The following DPP6 variants were observed in gnomAD, a reference collection of about 807,000 sequenced individuals.
The protein encoded by DPP6 is A-type potassium channel modulatory protein DPP6.
DPP6 carries 69 observed loss-of-function variants against 122.6 expected under a neutral mutation model. The observed-to-expected ratio is 0.56, with a 90% confidence interval of 0.46 to 0.69. The LOEUF is 0.69. Among genes scored for constraint, DPP6 ranks in the 30% least tolerant of loss-of-function variants. The pLI, the probability that DPP6 is intolerant of heterozygous loss-of-function variation, is 0.00. For synonymous variants in DPP6, 418 were observed against 433.1 expected (o/e 0.97, Z 0.43); for missense variants, 928 against 1,116.9 (o/e 0.83, Z 2.41).
intron 1 of DPP6, among the ~76,000 whole-genome samples, chr7:154,283,253 G>T (rs1482040061): frequency 6.6e-6 from 1 of 152,090 alleles, no homozygotes; most frequent in African/African-American, 2.4e-5. Context: ...GCAGCCACAG[G>T]GTTGCTTTGA....
rs1305921800 is a variant in DPP6 at position 154,893,539 on chromosome 7, G to A, written c.*1059G>A. The A allele has an allele frequency of 4.0e-5, 6 of 151,062 alleles. No homozygotes were observed. Among genetic ancestry groups the A allele is most frequent in the Admixed American group, 6.6e-5 (1 of 15,174 alleles). The allele number at this position is 151,062 out of a possible 1,614,324, so 9.4% of individuals were successfully genotyped here. The stretch of plus-strand genomic sequence containing the variant: ...GGCCCGCTGTGTGTGCTCGGGCCAC[G>A]GGAGTCCTGAGGGTTCTGTGGGCCT... On this transcript the variant is annotated 3_prime_UTR_variant, in exon 26 of 26. Coordinates refer to ENST00000377770, the MANE Select transcript of DPP6 (RefSeq NM_130797.4).
At chr7:153,835,156 T>C in the DPP6 span, among the ~76,000 whole-genome samples, 2 of 152,268 alleles carry the variant, frequency 1.3e-5, no homozygotes, top group African/African-American at 4.8e-5. Context: ...AACATATTGT[T>C]TCTTGTCAGT....
chr7:154,842,287 G>A (rs1446803277), intron 16 of DPP6, among the ~76,000 whole-genome samples: 1 of 152,242 alleles, frequency 6.6e-6, no homozygotes, highest in Non-Finnish European at 1.5e-5. Context: ...TTAGCTGCTG[G>A]TTGGAAATTA....
At chr7:154,579,771 A>G (rs979876778) in intron 5 of DPP6, among the ~76,000 whole-genome samples, 1 of 152,110 alleles carries the variant, frequency 6.6e-6, no homozygotes, top group African/African-American at 2.4e-5. Flanking sequence ...ACAGGTAATT[A>G]CGTGTCATTC....
intron 1 of DPP6, among the ~76,000 whole-genome samples, chr7:154,321,641 C>T (rs999046584): frequency 2.0e-5 from 3 of 151,586 alleles, no homozygotes; most frequent in African/African-American, 4.8e-5. Flanking sequence ...AAAAATTAGC[C>T]GGGCATAGTG....
intron 23 of DPP6, among the ~76,000 whole-genome samples, chr7:154,888,464 C>G (rs1806342821): frequency 6.6e-6 from 1 of 152,180 alleles, no homozygotes; most frequent in Non-Finnish European, 1.5e-5. Context: ...TGATTTGGTG[C>G]AGCTGTCAGA....
intron 8 of DPP6, among the ~76,000 whole-genome samples, chr7:154,758,276 C>T (rs527575072): frequency 1.1e-4 from 16 of 152,286 alleles, no homozygotes; most frequent in Middle Eastern, 3.4e-3. Flanking sequence ...TCAGAAGGCC[C>T]GCAAGTTCAT....
At position 154,052,997 on chromosome 7, in the gene DPP6, C is replaced by T. The variant is rs1481313034; in HGVS notation, c.177C>T (p.Gly59=). Residue 59 remains glycine (G), a synonymous_variant, in exon 1 of 26, where the codon GGC becomes GGT. Transcript: ENST00000377770. This position sits in a 1 kb window ranked among gnomAD's most constrained non-coding sequence, Gnocchi z 4.8. ...QAAAPRERGG[G]GGGAGGRPRF... The stretch of plus-strand genomic sequence containing the variant: ...CGGCGCCCCGGGAGCGCGGCGGCGG[C>T]GGCGGCGGCGCGGGTGGCCGGCCCC... 2.8e-6 allele frequency: 3 copies of T among 1,057,764 alleles called. No homozygotes were observed. The highest frequency in any genetic ancestry group is 1.3e-4 in the East Asian group (2 of 15,520). 65.5% of individuals were successfully genotyped at this position (1,057,764 alleles called of 1,614,324 possible).
chr7:154,154,232 A>G (rs1796571881), intron 1 of DPP6, among the ~76,000 whole-genome samples: 2 of 152,244 alleles, frequency 1.3e-5, no homozygotes, highest in African/African-American at 4.8e-5. Context: ...CTTCGCTGGG[A>G]TATTTTCACT....
At chr7:154,176,037 T>C (rs1797787342) in intron 1 of DPP6, among the ~76,000 whole-genome samples, 1 of 152,180 alleles carries the variant, frequency 6.6e-6, no homozygotes, top group African/African-American at 2.4e-5. Context: ...AAACTGTCTA[T>C]GTGCAGGGTC....
At chr7:153,764,909 AT>A in the DPP6 span, among the ~76,000 whole-genome samples, 2 of 152,188 alleles carry the variant, frequency 1.3e-5, no homozygotes, top group Non-Finnish European at 2.9e-5. Context: ...TCTAGGTAGC[AT>A]TGCTTATGCT....
chr7:154,061,236 C>A (rs10261016), intron 1 of DPP6, among the ~76,000 whole-genome samples: 2 of 149,426 alleles, frequency 1.3e-5, no homozygotes, highest in Middle Eastern at 3.5e-3. Flanking sequence ...GGGCGGGGAC[C>A]CGGAACTTTT....
intron 10 of DPP6, among the ~76,000 whole-genome samples, chr7:154,792,902 C>A (rs1255250496): frequency 6.6e-6 from 1 of 152,172 alleles, no homozygotes; most frequent in Admixed American, 6.5e-5. Flanking sequence ...CTGTCTTAGG[C>A]CCTCACCTGC....
chr7:154,386,316 A>G (rs1235935776), intron 1 of DPP6, among the ~76,000 whole-genome samples: 2 of 150,674 alleles, frequency 1.3e-5, no homozygotes, highest in African/African-American at 2.4e-5. Flanking sequence ...CACCCCCACC[A>G]TGCTTCTGTC....
chr7:154,352,471 T>A (rs1281735152), intron 1 of DPP6, among the ~76,000 whole-genome samples: 2 of 151,550 alleles, frequency 1.3e-5, no homozygotes, highest in African/African-American at 2.4e-5. Context: ...TCAAAAAAAA[T>A]AAAAATTAAA....
chr7:153,889,727 A>G (rs1412226534), intron 1 of DPP6, among the ~76,000 whole-genome samples: 1 of 152,164 alleles, frequency 6.6e-6, no homozygotes, highest in East Asian at 1.9e-4. Flanking sequence ...CCCTGTGTCT[A>G]ATGTTAAGAA....
Position 154,289,228 on chromosome 7 carries a change from A to C in DPP6, c.244-156986A>C, listed in dbSNP as rs1805047493. On this transcript the variant is annotated intron_variant, in intron 1 of 25. Coordinates refer to ENST00000377770, the MANE Select transcript of DPP6 (RefSeq NM_130797.4). ...AAAAAGCAGTCATCAACTATGATGGAAAAATATTTCCGAGACTTGATAAGT... is the reference window on the plus strand; with the variant it reads ...AAAAAGCAGTCATCAACTATGATGGCAAAATATTTCCGAGACTTGATAAGT... Among the ~76,000 whole-genome samples, 3 of 152,330 alleles carry C rather than the reference A, an allele frequency of 2.0e-5. No homozygotes were observed. The East Asian group carries it at 5.8e-4, about 29-fold the overall frequency.
chr7:154,829,731 T>C (rs1800481093), intron 16 of DPP6, among the ~76,000 whole-genome samples: 1 of 152,110 alleles, frequency 6.6e-6, no homozygotes, highest in Non-Finnish European at 1.5e-5. Context: ...TTCCTGTGAT[T>C]AGCTTGGTAA....
At chr7:154,141,995 C>T (rs530144329) in intron 1 of DPP6, among the ~76,000 whole-genome samples, 2 of 152,262 alleles carry the variant, frequency 1.3e-5, no homozygotes, top group African/African-American at 4.8e-5. Context: ...CCTTAAAACC[C>T]AGATGGAGAT....
Sources: gnomAD v4.1 joint callset for allele counts (sites outside exome capture counted in the v4.1 genomes callset) on GRCh38, gnomAD v4.1.1 for gene constraint, Gnocchi (gnomAD v3.1) non-coding constraint, MANE v1.5 for transcripts, NCBI Gene and HGNC (gene_info 2026-07-23, HGNC 2026-07-21) for gene names.